The following PDE4D variants were observed in gnomAD, a reference collection of about 807,000 sequenced individuals.
PDE4D encodes phosphodiesterase 4D.
In PDE4D, 24 loss-of-function variants were observed where a neutral mutation model predicts 87.4. That is an observed-to-expected ratio of 0.27 (90% CI 0.20 to 0.39). The LOEUF is 0.39. Among genes scored for constraint, PDE4D ranks in the 10% least tolerant of loss-of-function variants. The pLI, the probability that PDE4D is intolerant of heterozygous loss-of-function variation, is 1.00. For missense variants in PDE4D, 714 were observed against 1,041.0 expected, an observed-to-expected ratio of 0.69 and a Z score of 4.32; for synonymous variants, 384 against 383.2, an observed-to-expected ratio of 1.00 and a Z score of -0.02.
At chr5:59,432,923 C>G (rs1355709534) in intron 1 of PDE4D, among the ~76,000 whole-genome samples, 2 of 151,940 alleles carry the variant, frequency 1.3e-5, no homozygotes, top group African/African-American at 4.8e-5. Context: ...TGTTTTTACT[C>G]TTCAGTATAT....
intron 1 of PDE4D, among the ~76,000 whole-genome samples, chr5:59,566,550 G>A (rs932510793): frequency 1.8e-4 from 27 of 149,908 alleles, no homozygotes; most frequent in African/African-American, 5.7e-4. Context: ...GTGTGTGTGT[G>A]TGTGTGTGTG....
At chr5:59,057,090 T>A (rs1024250495) in intron 5 of PDE4D, among the ~76,000 whole-genome samples, 38 of 152,316 alleles carry the variant, frequency 2.5e-4, no homozygotes, top group African/African-American at 7.0e-4. Flanking sequence ...GCTGGCATAA[T>A]TCTCCTTCAC....
At chr5:59,153,383 T>C (rs895854963) in intron 5 of PDE4D, among the ~76,000 whole-genome samples, 3 of 152,168 alleles carry the variant, frequency 2.0e-5, no homozygotes, top group Non-Finnish European at 2.9e-5. Flanking sequence ...GAAACAAATA[T>C]AGCAATGGTA....
At chr5:59,108,737 T>G (rs1772047214) in intron 5 of PDE4D, among the ~76,000 whole-genome samples, 1 of 151,772 alleles carries the variant, frequency 6.6e-6, no homozygotes, top group South Asian at 2.1e-4. Flanking sequence ...CTACTAAAAA[T>G]ACAACAACGA....
chr5:59,246,032 T>C (rs1758779570), intron 1 of PDE4D, among the ~76,000 whole-genome samples: 1 of 149,898 alleles, frequency 6.7e-6, no homozygotes, highest in South Asian at 2.1e-4. Flanking sequence ...GTATATATTA[T>C]ATATAAAATA....
At chr5:59,149,505 T>A (rs1230572341) in intron 5 of PDE4D, among the ~76,000 whole-genome samples, 1 of 152,096 alleles carries the variant, frequency 6.6e-6, no homozygotes. Context: ...AGAGTGGGAT[T>A]TCAGGCACAA....
At chr5:59,988,764 CTGTTT>C (rs1561950385) in intron 2 of PDE4D, 1 of 1,063,798 alleles carries the variant, frequency 9.4e-7, no homozygotes, top group East Asian at 2.4e-5. Context: ...AAAAATCACA[CTGTTT>C]ATCATTACAT....
Position 60,340,988 on chromosome 5 carries a change from T to C in PDE4D, c.-90+146954A>G, listed in dbSNP as rs1758264331. Among the ~76,000 whole-genome samples, 7 of 152,214 alleles carry C rather than the reference T, an allele frequency of 4.6e-5. No homozygotes were observed. In the South Asian group the frequency reaches 1.2e-3, roughly 27 times the overall value. ...GAGTATTCTCTAGAGAGCTGTTTTA[T>C]TATACAACAAGTACACCATAAAGAG... On this transcript the variant is annotated intron_variant, in intron 1 of 16. Transcript: ENST00000502484.
intron 2 of PDE4D, among the ~76,000 whole-genome samples, chr5:59,205,698 A>ACC (rs1554097751): frequency 8.9e-5 from 13 of 145,452 alleles, no homozygotes; most frequent in African/African-American, 3.0e-4. Context: ...ACACACACAC[A>ACC]CCAATCCACA....
chr5:59,814,429 C>T (rs1303635772), intron 1 of PDE4D, among the ~76,000 whole-genome samples: 3 of 152,150 alleles, frequency 2.0e-5, no homozygotes, highest in African/African-American at 4.8e-5. Context: ...TAAGGAACTT[C>T]GATATGTGTC....
chr5:60,036,144 A>G (rs751812710), intron 2 of PDE4D, among the ~76,000 whole-genome samples: 1 of 152,208 alleles, frequency 6.6e-6, no homozygotes, highest in Non-Finnish European at 1.5e-5. Flanking sequence ...GAATGTATTC[A>G]TGTGAACCTG....
intron 1 of PDE4D, among the ~76,000 whole-genome samples, chr5:60,223,679 G>A (rs1744758608): frequency 6.6e-6 from 1 of 152,084 alleles, no homozygotes; most frequent in Non-Finnish European, 1.5e-5. Context: ...AGGAAGAGAT[G>A]AGCTAATCAG....
intron 1 of PDE4D, among the ~76,000 whole-genome samples, chr5:59,404,082 G>A (rs548087283): frequency 7.2e-5 from 11 of 152,236 alleles, no homozygotes; most frequent in African/African-American, 2.6e-4. Flanking sequence ...TCATATGACT[G>A]TTTGCCATTT....
chr5:60,238,207 C>T (rs1197113467), intron 1 of PDE4D, among the ~76,000 whole-genome samples: 5 of 151,850 alleles, frequency 3.3e-5, no homozygotes, highest in Non-Finnish European at 7.4e-5. Context: ...AATTTATTAA[C>T]ATTACCCATG....
chr5:60,342,565 C>A lies in PDE4D; in HGVS notation c.-90+145377G>T, dbSNP rs762256016. Reference sequence around the variant, plus strand: ...CTCAAAAACTCTTAGCCATTATTATCTTTTATTATTACTTAGTTGGGATCT... The same window carrying A: ...CTCAAAAACTCTTAGCCATTATTATATTTTATTATTACTTAGTTGGGATCT... On this transcript the variant is annotated intron_variant, in intron 1 of 16. Coordinates refer to the PDE4D transcript ENST00000502484. 3.3e-5 allele frequency among the ~76,000 whole-genome samples: 5 copies of A among 152,112 alleles called. No homozygotes were observed. The South Asian group carries it at 6.2e-4, about 19-fold the overall frequency.
intron 1 of PDE4D, among the ~76,000 whole-genome samples, chr5:60,312,811 G>T (rs953659234): frequency 6.6e-6 from 1 of 152,128 alleles, no homozygotes; most frequent in South Asian, 2.1e-4. Context: ...TAAGCAACCT[G>T]CTCCTGAATG....
chr5:60,379,232 GT>G (rs1761675132), intron 1 of PDE4D, among the ~76,000 whole-genome samples: 1 of 151,632 alleles, frequency 6.6e-6, no homozygotes, highest in African/African-American at 2.4e-5. Flanking sequence ...CAAAGAAGTC[GT>G]TTTGGCTATT....
intron 5 of PDE4D, among the ~76,000 whole-genome samples, chr5:59,080,664 C>A (rs1766580949): frequency 6.6e-6 from 1 of 152,132 alleles, no homozygotes; most frequent in Non-Finnish European, 1.5e-5. Context: ...TCTATCACGT[C>A]AAAGACATGA....
intron 1 of PDE4D, among the ~76,000 whole-genome samples, chr5:59,778,680 T>C (rs370647461): frequency 1.4e-4 from 22 of 152,288 alleles, no homozygotes; most frequent in African/African-American, 4.6e-4. Flanking sequence ...CTCATGATTC[T>C]TGTACTTTAA....
Sources: gnomAD v4.1 joint callset for allele counts (sites outside exome capture counted in the v4.1 genomes callset) on GRCh38, gnomAD v4.1.1 for gene constraint, MANE v1.5 for transcripts, NCBI Gene and HGNC (gene_info 2026-07-23, HGNC 2026-07-21) for gene names.